Variants in SEPHS1 observed in about 807,000 individuals in gnomAD.
SEPHS1 encodes the protein selenophosphate synthetase 1, also known as zincore component SEPHS1.
Under a neutral mutation model 39.2 loss-of-function variants are expected in SEPHS1, and 7 were observed. The observed-to-expected ratio is 0.18, with a 90% CI of 0.10 to 0.34. The LOEUF (loss-of-function observed/expected upper bound fraction) is 0.34, where lower values mean the gene tolerates loss of function less well. SEPHS1 is among the 10% of genes least tolerant of loss of function. The probability of loss-of-function intolerance (pLI) is 1.00; values close to 1 mark genes in which losing one functional copy is unlikely to be tolerated. For missense variants in SEPHS1, 253 were observed against 514.5 expected (o/e 0.49, Z 4.92); for synonymous variants, 190 against 195.5 (o/e 0.97, Z 0.23).
At chr10:13,322,803 T>C (rs781748836) in intron 8 of SEPHS1, 32 bp downstream of exon 8, 1 of 1,597,490 alleles carries the variant, frequency 6.3e-7, no homozygotes, top group Non-Finnish European at 8.6e-7. Flanking sequence ...AGCCTCACTA[T>C]TTAGTCCTCA....
Position 13,322,884 on chromosome 10 carries a change from G to C in SEPHS1, c.915C>G (p.Ala305=). The C allele has an allele frequency of 5.0e-6, 8 of 1,613,982 alleles. No individual in the cohort carries two copies. Among genetic ancestry groups the C allele is most frequent in the Non-Finnish European group, 6.8e-6 (8 of 1,179,880 alleles). Residue 305 remains alanine, a synonymous_variant, in exon 8 of 9, where the codon GCC becomes GCG. Transcript: ENST00000327347. ...VLAKMAAVSK[A]CGNMFGLMHG... is the part of the protein sequence containing the mutation. ...GCATGAGGCCGAACATGTTTCCGCA[G>C]GCCTTGCTCACCGCAGCCATCTTGG...
intron 5 of SEPHS1, among the ~76,000 whole-genome samples, chr10:13,332,366 G>A (rs929386323): frequency 6.6e-6 from 1 of 152,190 alleles, no homozygotes; most frequent in African/African-American, 2.4e-5. Context: ...GAGGATGGGA[G>A]CAGGAGGGAA....
intron 7 of SEPHS1, among the ~76,000 whole-genome samples, chr10:13,325,608 T>C (rs1198970754): frequency 6.6e-6 from 1 of 152,180 alleles, no homozygotes. Context: ...AAATTAAACC[T>C]CTTTCCTTTA....
At chr10:13,346,773 ACCT>A (rs1001468434) in intron 1 of SEPHS1, among the ~76,000 whole-genome samples, 2 of 152,084 alleles carry the variant, frequency 1.3e-5, no homozygotes, top group African/African-American at 4.8e-5. Context: ...TTATTTTCCT[ACCT>A]CCTATCTATT....
chr10:13,323,112 A>C, intron 7 of SEPHS1, 65 bp from the exon 8 acceptor site: 1 of 1,299,974 alleles, frequency 7.7e-7, no homozygotes, highest in Non-Finnish European at 1.1e-6. Context: ...TCTTACGTCC[A>C]CAATTAATCT....
chr10:13,333,044 G>A (rs1833517244), intron 5 of SEPHS1, among the ~76,000 whole-genome samples: 2 of 152,076 alleles, frequency 1.3e-5, no homozygotes, highest in East Asian at 3.9e-4. Context: ...ATCAACTCCG[G>A]TAATGGCTGT....
At chr10:13,328,939 G>C (rs548612761) in intron 6 of SEPHS1, among the ~76,000 whole-genome samples, 2 of 152,310 alleles carry the variant, frequency 1.3e-5, no homozygotes, top group East Asian at 3.9e-4. Context: ...GGCAGCCTTA[G>C]AGAATTTCTC....
intron 7 of SEPHS1, among the ~76,000 whole-genome samples, chr10:13,324,886 T>C (rs1483377416): frequency 6.6e-6 from 1 of 152,264 alleles, no homozygotes; most frequent in Non-Finnish European, 1.5e-5. Flanking sequence ...TCTCAATCAC[T>C]GCTTTAATCT....
At position 13,321,216 on chromosome 10, in the gene SEPHS1, C is replaced by T. The variant is rs547471034; in HGVS notation, c.964+1619G>A. 8.6e-5 allele frequency among the ~76,000 whole-genome samples: 13 copies of T among 151,786 alleles called. No homozygotes were observed. The East Asian group carries it at 1.6e-3, about 18-fold the overall frequency. On this transcript the variant is annotated intron_variant, in intron 8 of 8. Coordinates refer to ENST00000327347, the MANE Select transcript of SEPHS1 (RefSeq NM_012247.5). ...CAGGCCCACCCGAGATGGATCCCAC[C>T]GTTTTTGGGAGGCTGGGGCTAGGCA... is the stretch of plus-strand genomic sequence containing the variant.
At chr10:13,342,671 T>C (rs1833826614) in intron 2 of SEPHS1, among the ~76,000 whole-genome samples, 1 of 152,130 alleles carries the variant, frequency 6.6e-6, no homozygotes, top group Non-Finnish European at 1.5e-5. Context: ...ACATGTATTA[T>C]ATATGTAAGT....
At chr10:13,323,567 C>T (rs1438150161) in intron 7 of SEPHS1, among the ~76,000 whole-genome samples, 2 of 151,958 alleles carry the variant, frequency 1.3e-5, no homozygotes, top group Admixed American at 1.3e-4. Flanking sequence ...ATTGGCCAGG[C>T]TGATCTTGAA....
At chr10:13,324,376 T>C (rs1833200697) in intron 7 of SEPHS1, among the ~76,000 whole-genome samples, 1 of 152,256 alleles carries the variant, frequency 6.6e-6, no homozygotes, top group Non-Finnish European at 1.5e-5. Context: ...CTGGCAATTA[T>C]GAATAATGCT....
intron 5 of SEPHS1, among the ~76,000 whole-genome samples, chr10:13,330,945 C>T (rs1485818780): frequency 6.6e-6 from 1 of 152,008 alleles, no homozygotes; most frequent in Non-Finnish European, 1.5e-5. Flanking sequence ...ATCAACCCGT[C>T]CTTTACATTA....
intron 5 of SEPHS1, among the ~76,000 whole-genome samples, chr10:13,332,089 T>C (rs976555076): frequency 6.6e-6 from 1 of 152,236 alleles, no homozygotes; most frequent in Admixed American, 6.5e-5. Flanking sequence ...AGAATGTTCA[T>C]GGCAGCATCA....
rs773733026 is a variant in SEPHS1 at position 13,323,064 on chromosome 10, G to C, written c.752-17C>G. 6.2e-7 allele frequency: 1 copy of C among 1,610,612 alleles called. No homozygotes were observed. The highest frequency in any genetic ancestry group is 8.5e-7 in the Non-Finnish European group (1 of 1,177,274). ...GTCCTGCAGCTGGGAGAGAGAGGGG[G>C]CGGCTCTGAGAAAAAACACCTTTCC... On this transcript the variant is annotated splice_polypyrimidine_tract_variant and intron_variant, in intron 7 of 8. Coordinates refer to ENST00000327347, the MANE Select transcript of SEPHS1 (RefSeq NM_012247.5).
chr10:13,339,775 C>T (rs576740371), intron 2 of SEPHS1, among the ~76,000 whole-genome samples: 4 of 152,226 alleles, frequency 2.6e-5, no homozygotes, highest in South Asian at 2.1e-4. Flanking sequence ...ACACCCAATA[C>T]GATGTGAATG....
At chr10:13,335,728 C>A (rs1833607411) in intron 4 of SEPHS1, among the ~76,000 whole-genome samples, 1 of 151,504 alleles carries the variant, frequency 6.6e-6, no homozygotes, top group Non-Finnish European at 1.5e-5. Context: ...GCCTGCAATC[C>A]CAGCACTTTG....
At chr10:13,338,670 C>T (rs896610276) in intron 3 of SEPHS1, 35 bp downstream of exon 3, 10 of 1,528,664 alleles carry the variant, frequency 6.5e-6, no homozygotes, top group African/African-American at 4.1e-5. Context: ...CAAATAAGCC[C>T]TTCCAGTCAC....
intron 3 of SEPHS1, 120 bp downstream of exon 3, chr10:13,338,585 A>G: frequency 1.4e-6 from 1 of 736,618 alleles, no homozygotes; most frequent in Non-Finnish European, 2.3e-6. Context: ...GTGGGGCAGT[A>G]TAGTCGGGAT....
Sources: allele counts gnomAD v4.1 joint callset (sites outside exome capture counted in the v4.1 genomes callset), GRCh38; gene constraint gnomAD v4.1.1; transcripts MANE v1.5; gene names NCBI Gene and HGNC (gene_info 2026-07-23, HGNC 2026-07-21).